KCNC4: variants seen among roughly 807,000 people sequenced by gnomAD.
KCNC4 encodes the protein voltage-gated potassium channel KCNC4.
In KCNC4, 23 loss-of-function variants were observed where a neutral mutation model predicts 42.8. The observed-to-expected ratio is 0.54, with a 90% CI of 0.39 to 0.76. The LOEUF (loss-of-function observed/expected upper bound fraction) is 0.76. Among genes scored for constraint, KCNC4 ranks in the 30% least tolerant of loss-of-function variants. The pLI is 0.00. For synonymous variants in KCNC4, 422 were observed against 393.5 expected (o/e 1.07, Z -0.86); for missense variants, 751 against 898.2 (o/e 0.84, Z 2.10).
chr1:110,222,850 C>T (rs1482982838), intron 1 of KCNC4, 114 bp from the exon 2 acceptor site: 1 of 723,908 alleles, frequency 1.4e-6, no homozygotes, highest in South Asian at 1.8e-5. Context: ...GTTAATCCCA[C>T]CTCTCACTCT....
intron 2 of KCNC4, chr1:110,225,246 G>C (rs1658321742): frequency 6.6e-6 from 1 of 152,274 alleles, no homozygotes; most frequent in African/African-American, 2.4e-5. Context: ...CCACAGTAAG[G>C]GCATGCCTGG....
At chr1:110,217,918 G>A (rs1371748177) in intron 1 of KCNC4, among the ~76,000 whole-genome samples, 3 of 152,156 alleles carry the variant, frequency 2.0e-5, no homozygotes, top group Admixed American at 6.5e-5. Context: ...TTCCAGCACT[G>A]CCTGGGCACA....
chr1:110,268,730 A>AT (rs1312990388), intron 1 of KCNC4, among the ~76,000 whole-genome samples: 5,167 of 132,318 alleles, frequency 0.039, 155 homozygotes, highest in Middle Eastern at 0.083. Flanking sequence ...CTGAGATTTT[A>AT]TTTTTTTTTT....
chr1:110,252,449 G>T (rs921280769), downstream of KCNC4, among the ~76,000 whole-genome samples: 1 of 152,216 alleles, frequency 6.6e-6, no homozygotes, highest in South Asian at 2.1e-4. Flanking sequence ...TAACTCACTG[G>T]CTCAGGCCTG....
chr1:110,230,881 A>G (rs1658659617), intron 3 of KCNC4, among the ~76,000 whole-genome samples: 1 of 152,236 alleles, frequency 6.6e-6, no homozygotes, highest in Non-Finnish European at 1.5e-5. Context: ...TGCCACAGGA[A>G]GTGGCTGCCT....
In KCNC4 at chr1:110,211,752, G is replaced by T. The variant is rs773855578; in HGVS notation, c.253G>T (p.Gly85Cys). The change falls in exon 1 of 4, where the codon GGC becomes TGC. Residue 85 changes from glycine (G) to cysteine (C), a missense_variant. By Grantham distance (159) the Gly-to-Cys change is radical. This residue lies in a region of KCNC4 where 183 missense variants were observed against 255.8 expected (regional missense o/e 0.72). Transcript: ENST00000438661. The surrounding 1 kb of genome is among the most constrained non-coding windows in gnomAD (Gnocchi z 6.5). The stretch of plus-strand genomic sequence containing the variant: ...CGATGGCGGCGGTGTGGGTAGCAGC[G>T]GCAGCAGCGGCGGCGGGGGCTGCGA... ...ETDGGGVGSS[G>C]SSGGGGCEFF... 1 of 1,608,916 alleles carries T rather than the reference G, an allele frequency of 6.2e-7. No homozygotes were observed. The highest frequency in any genetic ancestry group is 8.5e-7 in the Non-Finnish European group (1 of 1,178,738).
At chr1:110,263,405 G>A (rs1183405693) in intron 1 of KCNC4, among the ~76,000 whole-genome samples, 1 of 152,026 alleles carries the variant, frequency 6.6e-6, no homozygotes, top group Non-Finnish European at 1.5e-5. Flanking sequence ...CTAATATTAG[G>A]GCTGTTTATT....
chr1:110,263,498 A>G lies in KCNC4; in HGVS notation n.31-19036A>G, dbSNP rs116210332. On this transcript the variant is annotated intron_variant and non_coding_transcript_variant, in intron 1 of 2. Coordinates refer to the KCNC4 transcript ENST00000412512. ...ATATTCACTTTGGCATCCTTCAGCC[A>G]GAAAGGATGATCAAGGTTAAATAGG... Among the ~76,000 whole-genome samples, 1,116 of 152,236 alleles carry G rather than the reference A, an allele frequency of 7.3e-3. 17 individuals carry two copies. The highest frequency in any genetic ancestry group is 0.025 in the African/African-American group (1,047 of 41,528).
intron 2 of KCNC4, chr1:110,224,955 C>T (rs1248473551): frequency 1.3e-5 from 2 of 152,204 alleles, no homozygotes; most frequent in African/African-American, 4.8e-5. Context: ...TCATACATGC[C>T]CGGGTCCACT....
Position 110,229,991 on chromosome 1 carries a change from G to A in KCNC4, c.1820-2920G>A, listed in dbSNP as rs552893851. Among the ~76,000 whole-genome samples the A allele has an allele frequency of 5.3e-5, 8 of 152,310 alleles. No homozygotes were observed. The East Asian group carries it at 5.8e-4, about 11-fold the overall frequency. On this transcript the variant is annotated intron_variant, in intron 3 of 3. Transcript: ENST00000438661. ...AAAGATAGGATGGCAGGGCAGCGTC[G>A]GGGCTGGGCAGAGGCTGGGAAATCT...
At chr1:110,257,638 G>A (rs1379326779) in intron 1 of KCNC4, among the ~76,000 whole-genome samples, 1 of 147,782 alleles carries the variant, frequency 6.8e-6, no homozygotes, top group Non-Finnish European at 1.5e-5. Flanking sequence ...GGAGAATGGC[G>A]TGAACCCAGA....
At chr1:110,257,647 G>A in intron 1 of KCNC4, among the ~76,000 whole-genome samples, 1 of 149,616 alleles carries the variant, frequency 6.7e-6, no homozygotes, top group African/African-American at 2.5e-5. Context: ...CGTGAACCCA[G>A]AAGGTGGAGC....
chr1:110,259,066 T>C (rs1659383082), intron 1 of KCNC4, among the ~76,000 whole-genome samples: 1 of 152,294 alleles, frequency 6.6e-6, no homozygotes, highest in African/African-American at 2.4e-5. Flanking sequence ...ATGGCTCTGT[T>C]TATTTGTGAA....
At chr1:110,255,505 C>T (rs1010051362) in intron 1 of KCNC4, among the ~76,000 whole-genome samples, 1 of 152,116 alleles carries the variant, frequency 6.6e-6, no homozygotes, top group African/African-American at 2.4e-5. Context: ...TAGACAGAGC[C>T]GGGTGTATTT....
chr1:110,212,318 C>T (rs375867898), intron 1 of KCNC4, 141 bp downstream of exon 1: 3 of 907,670 alleles, frequency 3.3e-6, no homozygotes, highest in Non-Finnish European at 1.5e-6. Context: ...TCTCAACCCC[C>T]CTCCGTGGCT....
chr1:110,246,761 C>CTTTTCT (rs946554061), exon 4 of KCNC4: 1 of 71,534 alleles, frequency 1.4e-5, no homozygotes, highest in Non-Finnish European at 2.9e-5. Flanking sequence ...CTTTCTTTTT[C>CTTTTCT]TTTTCTTTTT....
Position 110,223,135 on chromosome 1 carries a change from A to G in KCNC4, c.850A>G (p.Ile284Val). The G allele has an allele frequency of 6.2e-7, 1 of 1,614,184 alleles. No homozygotes were observed. The highest frequency in any genetic ancestry group is 8.5e-7 in the Non-Finnish European group (1 of 1,180,022). Residue 284 changes from isoleucine (I) to valine (V), a missense_variant, in exon 2 of 4, where the codon ATC (isoleucine) becomes GTC (valine). Around this residue, in one of 4 missense-constraint regions of KCNC4, gnomAD observed 181 missense variants for 167.3 expected, o/e 1.08. Transcript: ENST00000438661. The surrounding 1 kb of genome is among the most constrained non-coding windows in gnomAD (Gnocchi z 7.5). ...AGAGACAGAGCCCATCCTGACCTAC[A>G]TCGAGGGCGTATGTGTGCTGTGGTT... ...EVETEPILTY[I>V]EGVCVLWFTL... is the part of the protein sequence containing the mutation.
At chr1:110,270,873 C>A (rs1276680478) in intron 1 of KCNC4, among the ~76,000 whole-genome samples, 1 of 152,160 alleles carries the variant, frequency 6.6e-6, no homozygotes, top group Non-Finnish European at 1.5e-5. Context: ...GCGGTGGCCT[C>A]AATTCAGAGG....
At chr1:110,267,726 A>T (rs1048890727) in intron 1 of KCNC4, among the ~76,000 whole-genome samples, 67 of 152,230 alleles carry the variant, frequency 4.4e-4, no homozygotes, top group African/African-American at 1.6e-3. Flanking sequence ...TTGCAGAATT[A>T]TAAGTAATGA....
Sources: allele counts gnomAD v4.1 joint callset (sites outside exome capture counted in the v4.1 genomes callset), GRCh38; gene constraint gnomAD v4.1.1; regional missense constraint gnomAD v4.1.1; non-coding constraint Gnocchi (gnomAD v3.1); transcripts MANE v1.5; gene names NCBI Gene and HGNC (gene_info 2026-07-23, HGNC 2026-07-21).